The following AIFM1 variants were observed in gnomAD, a reference collection of about 807,000 sequenced individuals.
AIFM1 encodes the protein apoptosis-inducing factor 1, mitochondrial.
In AIFM1, 3 loss-of-function variants were observed where a neutral mutation model predicts 51.7. The observed-to-expected ratio is 0.06, with a 90% confidence interval of 0.03 to 0.15. The LOEUF (loss-of-function observed/expected upper bound fraction) is 0.15, where lower values mean the gene tolerates loss of function less well. Ranked by LOEUF, AIFM1 falls within the 10% of genes least tolerant of loss-of-function variation. The probability of loss-of-function intolerance (pLI) is 1.00; values close to 1 mark genes in which losing one functional copy is unlikely to be tolerated. For missense variants in AIFM1, 330 were observed against 476.8 expected, an observed-to-expected ratio of 0.69 and a Z score of 2.87; for synonymous variants, 178 against 179.4, an observed-to-expected ratio of 0.99 and a Z score of 0.06.
intron 7 of AIFM1, 134 bp downstream of exon 7, chrX:130,140,399 C>G (rs913602481): frequency 3.5e-6 from 2 of 568,309 alleles, no homozygotes; most frequent in South Asian, 2.4e-5. Context: ...AGCTTTTGTA[C>G]CAAGAGAAGA....
At chrX:130,140,390 G>A in intron 7 of AIFM1, 143 bp downstream of exon 7, 1 of 548,228 alleles carries the variant, frequency 1.8e-6, no homozygotes, top group South Asian at 2.4e-5. Flanking sequence ...GACACAGCCA[G>A]CTTTTGTACC....
At position 130,155,036 on chromosome X, in the gene AIFM1, A is replaced by G; in HGVS notation, c.249+1425T>C. The G allele has an allele frequency of 3.2e-6, 3 of 941,470 alleles. No individual in the cohort carries two copies. In the South Asian group the frequency reaches 6.1e-5, roughly 19 times the overall value. 77.6% of individuals were successfully genotyped at this position (941,470 alleles called of 1,213,427 possible). Reference sequence around the variant, plus strand: ...TAGTGACTGACAATGTCCCTTTAATAAACACCTAGAGAAAGCACATGCTGT... The same window carrying G: ...TAGTGACTGACAATGTCCCTTTAATGAACACCTAGAGAAAGCACATGCTGT... On this transcript the variant is annotated intron_variant, in intron 2 of 15. Transcript: ENST00000287295.
chrX:130,158,892 T>C (rs1000562438), intron 1 of AIFM1, among the ~76,000 whole-genome samples: 1 of 110,835 alleles, frequency 9.0e-6, no homozygotes, highest in African/African-American at 3.3e-5. Context: ...CATGTATACT[T>C]GCAGAGATTA....
chrX:130,150,112 T>A (rs1279397806), intron 2 of AIFM1, among the ~76,000 whole-genome samples: 3 of 111,132 alleles, frequency 2.7e-5, no homozygotes, highest in Non-Finnish European at 1.9e-5. Flanking sequence ...CAATGGTCTA[T>A]CCTTTTCTTA....
At chrX:130,159,121 C>T (rs1331807996) in intron 1 of AIFM1, among the ~76,000 whole-genome samples, 2 of 111,881 alleles carry the variant, frequency 1.8e-5, no homozygotes, top group African/African-American at 3.3e-5. Flanking sequence ...TATGACCAAT[C>T]ACGCTAAGTG....
chrX:130,135,965 A>C (rs1868560055), intron 12 of AIFM1, 80 bp downstream of exon 12: 2 of 1,166,264 alleles, frequency 1.7e-6, no homozygotes. Flanking sequence ...GCTGTTGATG[A>C]GCTTTAGCAC....
intron 1 of AIFM1, among the ~76,000 whole-genome samples, chrX:130,164,449 AT>A (rs1325400635): frequency 8.9e-6 from 1 of 112,574 alleles, no homozygotes; most frequent in East Asian, 2.8e-4. Context: ...TCCACTTTTT[AT>A]TTTTAAAGCA....
rs1249261976 is a variant in AIFM1 at position 130,165,724 on chromosome X, C to G, written c.-68G>C. The G allele has an allele frequency of 1.7e-5, 16 of 922,140 alleles. No homozygotes were observed. Among genetic ancestry groups the G allele is most frequent in the Non-Finnish European group, 2.3e-5 (15 of 649,480 alleles). 76.0% of individuals were successfully genotyped at this position (922,140 alleles called of 1,213,427 possible). On this transcript the variant is annotated 5_prime_UTR_variant, in exon 1 of 16. Coordinates refer to ENST00000287295, the MANE Select transcript of AIFM1 (RefSeq NM_004208.4). ...CACGCACGACCGACGGGTCAAACAC[C>G]GTGAGCCCCGGCCAGCTCCCCCAGT...
chrX:130,138,077 A>G, intron 9 of AIFM1: 1 of 121,073 alleles, frequency 8.3e-6, no homozygotes. Flanking sequence ...AAAAAAAAAA[A>G]AAAGCATCGC....
Position 130,130,090 on chromosome X carries a change from A to T in AIFM1, c.1650T>A (p.Val550=), listed in dbSNP as rs764513196. 5 of 1,211,817 alleles carry T rather than the reference A, an allele frequency of 4.1e-6. No individual in the cohort carries two copies. The Admixed American group carries it at 1.1e-4, about 26-fold the overall frequency. ...CCTCCCCCTGGACGGGAGCCTGTGG[A>T]ACTGCCGGGGTGCTGGGAGGAATAG... ...EITIPPSTPA[V]PQAPVQGEDY... is the part of the protein sequence containing the mutation. Residue 550 remains valine, a synonymous_variant, in exon 15 of 16, where the codon GTT becomes GTA. Coordinates refer to ENST00000287295, the MANE Select transcript of AIFM1 (RefSeq NM_004208.4).
chrX:130,162,977 A>T (rs2031399274), intron 1 of AIFM1, among the ~76,000 whole-genome samples: 1 of 111,694 alleles, frequency 9.0e-6, no homozygotes, highest in African/African-American at 3.3e-5. Context: ...CATGGTTTTA[A>T]GGCAGAATGC....
chrX:130,155,918 C>CA (rs1214100914), intron 2 of AIFM1, among the ~76,000 whole-genome samples: 1 of 112,383 alleles, frequency 8.9e-6, no homozygotes, highest in Non-Finnish European at 1.9e-5. Flanking sequence ...TTTCTCACCT[C>CA]AAACAAACTC....
At position 130,156,588 on chromosome X, in the gene AIFM1, C is replaced by A. The variant is rs779952484; in HGVS notation, c.122G>T (p.Arg41Leu). The change falls in exon 2 of 16, where the codon CGA (arginine) becomes CTA (leucine). Residue 41 changes from arginine (R) to leucine (L), a missense_variant. Physicochemically the swap from Arg to Leu is moderately radical, Grantham distance 102. Around this residue, in one of 4 missense-constraint regions of AIFM1, gnomAD observed 110 missense variants for 103.1 expected, o/e 1.07. Transcript: ENST00000287295. The part of the protein sequence containing the change: ...RNRLPGNLFQ[R>L]WHVPLELQMT... The stretch of plus-strand genomic sequence containing the variant: ...CTGGAGTTCTAGAGGAACATGCCAT[C>A]GCTGGAACAAGTTGCCTAAGAAACA... 4.1e-6 allele frequency: 5 copies of A among 1,211,346 alleles called. No individual in the cohort carries two copies. Among genetic ancestry groups the A allele is most frequent in the East Asian group, 5.9e-5 (2 of 33,860 alleles).
rs2030009527 is a variant in AIFM1, at chrX:130,130,226, G to A, written c.1574-60C>T. ...GCAAAATCAAAACTTCAGTTATTAT[G>A]AGCTTGGGAAATTCTAGAAGCCAAC... On this transcript the variant is annotated intron_variant, in intron 14 of 15. Transcript: ENST00000287295. The A allele has an allele frequency of 6.0e-6, 7 of 1,165,667 alleles. No individual in the cohort carries two copies. The East Asian group carries it at 2.1e-4, about 35-fold the overall frequency.
At chrX:130,146,283 T>G (rs1463755861) in intron 5 of AIFM1, among the ~76,000 whole-genome samples, 2 of 109,517 alleles carry the variant, frequency 1.8e-5, no homozygotes, top group Middle Eastern at 4.2e-3. Context: ...AGAAAAAAAT[T>G]TTTTTAATTA....
rs724160027 is a variant in AIFM1 at position 130,136,694 on chromosome X, G to A, written c.1113C>T (p.Ser371=). 1.3e-5 allele frequency: 16 copies of A among 1,208,216 alleles called. No homozygotes were observed. The East Asian group carries it at 3.9e-4, about 29-fold the overall frequency. Residue 371 remains serine, a synonymous_variant, in exon 11 of 16, where the codon TCC becomes TCT. Transcript: ENST00000287295. ...VKVMPNAIVQ[S]VGVSSGKLLI... The stretch of plus-strand genomic sequence containing the variant: ...GTAACTTGCCACTGCTGACTCCAAC[G>A]GATTGCACAATAGCATTGGGCATCA...
intron 6 of AIFM1, among the ~76,000 whole-genome samples, 168 bp from the exon 7 acceptor site, chrX:130,140,785 A>C (rs908925739): frequency 8.9e-6 from 1 of 112,507 alleles, no homozygotes; most frequent in Non-Finnish European, 1.9e-5. Context: ...ATTTCAGAAC[A>C]TTTCCATCAC....
chrX:130,150,429 G>A lies in AIFM1; in HGVS notation c.250-861C>T, dbSNP rs1261438186. On this transcript the variant is annotated intron_variant, in intron 2 of 15. Coordinates refer to ENST00000287295, the MANE Select transcript of AIFM1 (RefSeq NM_004208.4). ...CGGCTCACTGCAAGCTCTGCCTCCC[G>A]GGTTCACGCCATTCTCCTGCCTCAG... Among the ~76,000 whole-genome samples the A allele has an allele frequency of 4.4e-5, 4 of 90,960 alleles. 1 individual carries two copies. The highest frequency in any genetic ancestry group is 8.2e-5 in the African/African-American group (2 of 24,298). The allele number at this position is 90,960 out of a possible 115,157, so 79.0% of individuals were successfully genotyped here.
Position 130,129,608 on chromosome X carries a change from C to T in AIFM1, c.1791G>A (p.Gln597=), listed in dbSNP as rs2029974440. 1 of 1,209,946 alleles carries T rather than the reference C, an allele frequency of 8.3e-7. No homozygotes were observed. The highest frequency in any genetic ancestry group is 1.1e-6 in the Non-Finnish European group (1 of 893,887). The part of the protein sequence containing the change: ...IARKIIKDGE[Q]HEDLNEVAKL... The stretch of plus-strand genomic sequence containing the variant: ...TGGCTACTTCATTGAGATCTTCATG[C>T]TGCTCACCGTCCTTAATGATCTGAG... Residue 597 remains glutamine (Q), a synonymous_variant, in exon 16 of 16, where the codon CAG becomes CAA. Transcript: ENST00000287295.
Sources: gnomAD v4.1 joint callset for allele counts (sites outside exome capture counted in the v4.1 genomes callset) on GRCh38, gnomAD v4.1.1 for gene constraint, gnomAD v4.1.1 regional missense constraint, MANE v1.5 for transcripts, NCBI Gene and HGNC (gene_info 2026-07-23, HGNC 2026-07-21) for gene names.